The following TASOR2 variants were observed in gnomAD, a reference collection of about 807,000 sequenced individuals.
TASOR2 encodes protein TASOR 2.
Under a neutral mutation model 199.5 loss-of-function variants are expected in TASOR2, and 84 were observed. The observed-to-expected ratio is 0.42, with a 90% confidence interval of 0.35 to 0.50. TASOR2 has a LOEUF of 0.50. TASOR2 is among the 20% of genes least tolerant of loss of function. The pLI, the probability that TASOR2 is intolerant of heterozygous loss-of-function variation, is 0.02. For missense variants in TASOR2, 2,796 were observed against 2,835.9 expected, an observed-to-expected ratio of 0.99 and a Z score of 0.32; for synonymous variants, 1,103 against 1,046.6, an observed-to-expected ratio of 1.05 and a Z score of -1.04.
In TASOR2 at chr10:5,748,573, A is replaced by C; in HGVS notation, c.5152A>C (p.Asn1718His). 4.3e-6 allele frequency: 7 copies of C among 1,613,628 alleles called. No homozygotes were observed. Among genetic ancestry groups the C allele is most frequent in the Non-Finnish European group, 5.9e-6 (7 of 1,180,030 alleles). Residue 1718 changes from asparagine (N) to histidine (H), a missense_variant, in exon 15 of 21, where the codon AAC becomes CAC. Transcript: ENST00000328090. This position sits in a 1 kb window ranked among gnomAD's most constrained non-coding sequence, Gnocchi z 5.1. ...TCCAGGCACTGCTGGCCCTCAGTCC[A>C]ACACCACATCTTCTCTAAAAGGTGA...
chr10:5,751,846 C>G lies in TASOR2; in HGVS notation c.6606+1819C>G, dbSNP rs937640719. On this transcript the variant is annotated intron_variant, in intron 15 of 20. Coordinates refer to ENST00000328090, the Ensembl canonical transcript of TASOR2. This position sits in a 1 kb window ranked among gnomAD's most constrained non-coding sequence, Gnocchi z 5.3. ...TACATCTCTATTTATGTATAAAAAG[C>G]AAAAACAGAGGAGTTCACACTCATC... is the stretch of plus-strand genomic sequence containing the variant. Among the ~76,000 whole-genome samples, 1 of 152,164 alleles carries G rather than the reference C, an allele frequency of 6.6e-6. No individual in the cohort carries two copies. The highest frequency in any genetic ancestry group is 1.5e-5 in the Non-Finnish European group (1 of 68,024).
rs1023030078 is a variant in TASOR2 at position 5,737,460 on chromosome 10, G to A, written c.1447+1914G>A. 6.6e-6 allele frequency among the ~76,000 whole-genome samples: 1 copy of A among 151,248 alleles called. No homozygotes were observed. Among genetic ancestry groups the A allele is most frequent in the Non-Finnish European group, 1.5e-5 (1 of 67,920 alleles). ...CTGCTTGTCCCTCTCGGGAGTTTATGGTGTGGCTGTACCTCCCCTCTCTGC... is the reference window on the plus strand; with the variant it reads ...CTGCTTGTCCCTCTCGGGAGTTTATAGTGTGGCTGTACCTCCCCTCTCTGC... On this transcript the variant is annotated intron_variant, in intron 12 of 20. Transcript: ENST00000328090. This position sits in a 1 kb window ranked among gnomAD's most constrained non-coding sequence, Gnocchi z 4.9.
rs1440987726 is a variant in TASOR2, at chr10:5,740,738, T to C, written c.2327+241T>C. Among the ~76,000 whole-genome samples, 5 of 152,250 alleles carry C rather than the reference T, an allele frequency of 3.3e-5. No homozygotes were observed. The highest frequency in any genetic ancestry group is 1.3e-4 in the Admixed American group (2 of 15,290). ...GATAATTTTAGCCTAATGAATAGCT[T>C]TCCATTTTGCAATGCTCCCTCGTAA... On this transcript the variant is annotated intron_variant, in intron 13 of 20. Transcript: ENST00000328090. The surrounding 1 kb of genome is among the most constrained non-coding windows in gnomAD (Gnocchi z 5.3).
At chr10:5,762,309 ATTTTTCAGGGATTT>A (rs1333274489) in intron 19 of TASOR2, among the ~76,000 whole-genome samples, 6 of 151,166 alleles carry the variant, frequency 4.0e-5, no homozygotes, top group Admixed American at 1.3e-4. Flanking sequence ...CATAGTTATC[ATTTTTCAGGGATTT>A]TTTTTCAGTA....
Position 5,730,649 on chromosome 10 carries a change from A to T in TASOR2, c.650A>T (p.Asp217Val). ...CATTTCCAAGAATTGTACAAGGCGG[A>T]CAGAAGCCCTTCATTGAGTGTTGCT... Residue 217 changes from aspartate to valine, a missense_variant, in exon 11 of 21, where the codon GAC (aspartate) becomes GTC (valine). Around this residue, in one of 3 missense-constraint regions of TASOR2, gnomAD observed 847 missense variants for 887.4 expected, o/e 0.95. Transcript: ENST00000328090. The surrounding 1 kb of genome is among the most constrained non-coding windows in gnomAD (Gnocchi z 4.1). 6.2e-7 allele frequency: 1 copy of T among 1,614,234 alleles called. No individual in the cohort carries two copies. Among genetic ancestry groups the T allele is most frequent in the African/African-American group, 1.3e-5 (1 of 75,060 alleles).
chr10:5,711,663 G>A (rs1313614882), intron 1 of TASOR2, among the ~76,000 whole-genome samples: 1 of 152,018 alleles, frequency 6.6e-6, no homozygotes, highest in African/African-American at 2.4e-5. Flanking sequence ...GGATCCAGTC[G>A]GTAATTCTCA....
chr10:5,721,557 C>G (rs912888470), intron 6 of TASOR2, among the ~76,000 whole-genome samples: 1 of 151,564 alleles, frequency 6.6e-6, no homozygotes, highest in African/African-American at 2.4e-5. Flanking sequence ...TCCTATCGGC[C>G]TTTTTTAAGA....
rs752547485 is a variant in TASOR2 at position 5,730,688 on chromosome 10, T to C, written c.689T>C (p.Met230Thr). Residue 230 changes from methionine to threonine, a missense_variant, in exon 11 of 21, where the codon ATG becomes ACG. Transcript: ENST00000328090. The surrounding 1 kb of genome is among the most constrained non-coding windows in gnomAD (Gnocchi z 4.1). The stretch of plus-strand genomic sequence containing the variant: ...TTGAGTGTTGCTCCTCAGGATAGAA[T>C]GAAAGACCCTACATTCTTGGGGAAA... The C allele has an allele frequency of 6.2e-7, 1 of 1,614,164 alleles. No homozygotes were observed. The highest frequency in any genetic ancestry group is 8.5e-7 in the Non-Finnish European group (1 of 1,180,016).
rs760011383 is a variant in TASOR2 at position 5,740,470 on chromosome 10, A to C, written c.2300A>C (p.Glu767Ala). The change falls in exon 13 of 21, where the codon GAG becomes GCG. Residue 767 changes from glutamate to alanine, a missense_variant. Glu to Ala is a moderately radical substitution (Grantham distance 107). Transcript: ENST00000328090. This position sits in a 1 kb window ranked among gnomAD's most constrained non-coding sequence, Gnocchi z 5.3. Reference sequence around the variant, plus strand: ...AGCAAATATACCAACAACCCACTGGAGAAAACTGTAGTAAGAGCATTACAT... The same window carrying C: ...AGCAAATATACCAACAACCCACTGGCGAAAACTGTAGTAAGAGCATTACAT... The C allele has an allele frequency of 6.2e-7, 1 of 1,612,816 alleles. No homozygotes were observed. Among genetic ancestry groups the C allele is most frequent in the African/African-American group, 1.3e-5 (1 of 74,958 alleles).
chr10:5,723,086 C>T (rs1239283666), intron 6 of TASOR2, among the ~76,000 whole-genome samples: 2 of 116,324 alleles, frequency 1.7e-5, no homozygotes, highest in African/African-American at 6.8e-5. Context: ...GAGTCTCGCT[C>T]TGTCGCCCAG....
At chr10:5,700,787 G>GGT (rs1195261462) in intron 1 of TASOR2, among the ~76,000 whole-genome samples, 4 of 113,874 alleles carry the variant, frequency 3.5e-5, no homozygotes, top group African/African-American at 6.1e-5. Context: ...TATTTGTGGG[G>GGT]GTGTGTCTGT....
At position 5,720,493 on chromosome 10, in the gene TASOR2, A is replaced by C; in HGVS notation, c.-99-51A>C. Reference sequence around the variant, plus strand: ...GGTGGGGTTGAGAAAAACTTGGTACATATGCAGTTCCATAGTGCTACCCTG... The same window carrying C: ...GGTGGGGTTGAGAAAAACTTGGTACCTATGCAGTTCCATAGTGCTACCCTG... On this transcript the variant is annotated intron_variant, in intron 3 of 20. Coordinates refer to ENST00000328090, the Ensembl canonical transcript of TASOR2. This position sits in a 1 kb window ranked among gnomAD's most constrained non-coding sequence, Gnocchi z 5.3. 2 of 1,464,764 alleles carry C rather than the reference A, an allele frequency of 1.4e-6. No homozygotes were observed. The highest frequency in any genetic ancestry group is 2.6e-5 in the Admixed American group (1 of 38,026). 90.7% of individuals were successfully genotyped at this position (1,464,764 alleles called of 1,614,324 possible).
chr10:5,725,138 G>A (rs149347843), intron 8 of TASOR2, among the ~76,000 whole-genome samples: 129 of 152,158 alleles, frequency 8.5e-4, no homozygotes, highest in African/African-American at 3.1e-3. Flanking sequence ...GGTGGTTCAC[G>A]CCTGTAATCC....
At chr10:5,758,807 A>T in intron 17 of TASOR2, 80 bp from the exon 19 acceptor site, 1 of 1,016,256 alleles carries the variant, frequency 9.8e-7, no homozygotes, top group South Asian at 1.4e-5. Context: ...TTGTTTTACA[A>T]ATAATTATCA....
intron 1 of TASOR2, among the ~76,000 whole-genome samples, chr10:5,703,153 A>G (rs1814702719): frequency 6.6e-6 from 1 of 152,220 alleles, no homozygotes; most frequent in Non-Finnish European, 1.5e-5. Context: ...AAACTTCAGC[A>G]AAGGAATGAA....
rs374256262 is a variant in TASOR2, at chr10:5,747,853, G to A, written c.4432G>A (p.Glu1478Lys). 27 of 1,613,658 alleles carry A rather than the reference G, an allele frequency of 1.7e-5. No homozygotes were observed. Among genetic ancestry groups the A allele is most frequent in the South Asian group, 3.3e-5 (3 of 91,076 alleles). The change falls in exon 15 of 21, where the codon GAA becomes AAA. Residue 1478 changes from glutamate to lysine, a missense_variant. Around this residue, in one of 3 missense-constraint regions of TASOR2, gnomAD observed 1,941 missense variants for 1,924.9 expected, o/e 1.01. Transcript: ENST00000328090. The stretch of plus-strand genomic sequence containing the variant: ...GGTACAACAAATGCAGGTCTCTGCC[G>A]AAATGCCTCTAATATTAACTGATCA...
intron 1 of TASOR2, among the ~76,000 whole-genome samples, chr10:5,708,626 CCCTT>C (rs574834793): frequency 0.043 from 849 of 19,912 alleles, 17 homozygotes; most frequent in Middle Eastern, 0.16. Context: ...CTCCCTCCCT[CCCTT>C]CCTCCCTTCC....
intron 1 of TASOR2, among the ~76,000 whole-genome samples, chr10:5,707,153 T>C (rs1186042669): frequency 6.6e-6 from 1 of 152,214 alleles, no homozygotes; most frequent in East Asian, 1.9e-4. Flanking sequence ...CAGTGCACCA[T>C]GCCTCATGCA....
chr10:5,731,209 C>T lies in TASOR2; in HGVS notation c.1204+6C>T. 2 of 1,596,724 alleles carry T rather than the reference C, an allele frequency of 1.3e-6. No homozygotes were observed. Among genetic ancestry groups the T allele is most frequent in the South Asian group, 2.2e-5 (2 of 90,852 alleles). On this transcript the variant is annotated splice_donor_region_variant and intron_variant, in intron 11 of 20. Transcript: ENST00000328090. ...TCCTCAGAAAAGAAAAAGAGGTAAG[C>T]ACGATTTATTTATGTGGGTTATTAT...
Sources: gnomAD v4.1 joint callset for allele counts (sites outside exome capture counted in the v4.1 genomes callset) on GRCh38, gnomAD v4.1.1 for gene constraint, gnomAD v4.1.1 regional missense constraint, Gnocchi (gnomAD v3.1) non-coding constraint, MANE v1.5 for transcripts, NCBI Gene and HGNC (gene_info 2026-07-23, HGNC 2026-07-21) for gene names.